Variants in EXT1 observed in about 807,000 individuals in gnomAD.
EXT1 encodes exostosin-1.
In EXT1, 20 loss-of-function variants were observed where a neutral mutation model predicts 82.5. The observed-to-expected ratio is 0.24, with a 90% CI of 0.17 to 0.35. The LOEUF (loss-of-function observed/expected upper bound fraction) is 0.35. EXT1 is among the 10% of genes least tolerant of loss of function. The pLI, the probability that EXT1 is intolerant of heterozygous loss-of-function variation, is 1.00. For synonymous variants in EXT1, 348 were observed against 350.8 expected (o/e 0.99, Z 0.09); for missense variants, 757 against 936.5 (o/e 0.81, Z 2.50).
At chr8:118,074,926 G>A (rs1408999858) in intron 1 of EXT1, among the ~76,000 whole-genome samples, 1 of 152,188 alleles carries the variant, frequency 6.6e-6, no homozygotes, top group African/African-American at 2.4e-5. Context: ...GAAGCTCAGG[G>A]AGAGGAGAGC....
At chr8:117,851,616 G>GACACACACACACACACACACACACAC (rs35686154) in intron 1 of EXT1, among the ~76,000 whole-genome samples, 2 of 148,012 alleles carry the variant, frequency 1.4e-5, no homozygotes, top group East Asian at 4.1e-4. Context: ...AATTTAGCTG[G>GACACACACACACACACACACACACAC]ACACACACAC....
At chr8:117,934,388 G>A (rs1042531384) in intron 1 of EXT1, among the ~76,000 whole-genome samples, 5 of 152,202 alleles carry the variant, frequency 3.3e-5, no homozygotes, top group African/African-American at 1.2e-4. Context: ...ATGCGCCTCT[G>A]GTAGAGAGAG....
chr8:118,040,073 C>A (rs1039514484), intron 1 of EXT1, among the ~76,000 whole-genome samples: 8 of 152,144 alleles, frequency 5.3e-5, no homozygotes, highest in Admixed American at 4.6e-4. Context: ...AGCAGAAAGG[C>A]CCAGTGTTTG....
intron 1 of EXT1, among the ~76,000 whole-genome samples, chr8:118,043,526 C>T (rs1816568918): frequency 6.6e-6 from 1 of 152,214 alleles, no homozygotes; most frequent in African/African-American, 2.4e-5. Context: ...ACACAGCCCA[C>T]ATCACATGAG....
At chr8:117,947,239 C>G (rs1814407791) in intron 1 of EXT1, among the ~76,000 whole-genome samples, 2 of 152,140 alleles carry the variant, frequency 1.3e-5, no homozygotes, top group Admixed American at 1.3e-4. Context: ...CCAACTATGG[C>G]CAAACGATTT....
chr8:117,827,105 AAG>A (rs2129762001), intron 4 of EXT1, among the ~76,000 whole-genome samples: 1 of 152,360 alleles, frequency 6.6e-6, no homozygotes, highest in South Asian at 2.1e-4. Flanking sequence ...AGCACAGCAA[AAG>A]AGAGTCACGC....
chr8:117,813,060 A>T (rs1471369796), intron 7 of EXT1, 99 bp from the exon 8 acceptor site: 1 of 899,176 alleles, frequency 1.1e-6, no homozygotes, highest in Non-Finnish European at 1.8e-6. Context: ...CACCTGCATA[A>T]AGAATGCGCT....
intron 1 of EXT1, among the ~76,000 whole-genome samples, chr8:117,965,686 T>C (rs961229443): frequency 2.0e-5 from 3 of 152,228 alleles, no homozygotes; most frequent in South Asian, 2.1e-4. Context: ...CATTGTCAGC[T>C]ATGTAACAGG....
chr8:118,068,644 A>G (rs905018531), intron 1 of EXT1, among the ~76,000 whole-genome samples: 1 of 152,120 alleles, frequency 6.6e-6, no homozygotes, highest in Non-Finnish European at 1.5e-5. Flanking sequence ...GATAAATAGA[A>G]ACCAGAAGTG....
Position 117,799,023 on chromosome 8 carries a change from C to G in EXT1, c.*689G>C, listed in dbSNP as rs1282190867. On this transcript the variant is annotated 3_prime_UTR_variant, in exon 11 of 11. Coordinates refer to ENST00000378204, the MANE Select transcript of EXT1 (RefSeq NM_000127.3). ...TCTTGGTACTAATTCCCCCCACCCC[C>G]CCAATGAAAAACGATTATCATATAT... The G allele has an allele frequency of 6.6e-6, 1 of 151,364 alleles. No homozygotes were observed. The highest frequency in any genetic ancestry group is 1.5e-5 in the Non-Finnish European group (1 of 67,946). 9.4% of individuals were successfully genotyped at this position (151,364 alleles called of 1,614,324 possible). A position where few individuals can be genotyped will look rare whatever the true frequency, so the allele number is the denominator to read the frequency against.
At chr8:117,961,450 A>T (rs1252397996) in intron 1 of EXT1, among the ~76,000 whole-genome samples, 1 of 152,246 alleles carries the variant, frequency 6.6e-6, no homozygotes, top group Non-Finnish European at 1.5e-5. Flanking sequence ...ATGCTTTGCA[A>T]TTAAGATTTA....
chr8:118,041,705 G>GGAAA (rs1554596109), intron 1 of EXT1, among the ~76,000 whole-genome samples: 7 of 150,424 alleles, frequency 4.7e-5, no homozygotes, highest in African/African-American at 1.5e-4. Context: ...AAGGAAGGAA[G>GGAAA]GAAGGAAGGA....
chr8:117,855,538 C>A (rs888402061), intron 1 of EXT1, among the ~76,000 whole-genome samples: 2 of 152,162 alleles, frequency 1.3e-5, no homozygotes, highest in African/African-American at 4.8e-5. Context: ...TGCTACCAAC[C>A]AGCCATTTCC....
chr8:117,989,150 A>G (rs1482202632), intron 1 of EXT1, among the ~76,000 whole-genome samples: 1 of 152,136 alleles, frequency 6.6e-6, no homozygotes, highest in Non-Finnish European at 1.5e-5. Context: ...AAGGTTTTAA[A>G]GAGAAGTTAA....
intron 1 of EXT1, among the ~76,000 whole-genome samples, chr8:117,894,162 G>A (rs1427717597): frequency 2.6e-5 from 4 of 151,878 alleles, no homozygotes; most frequent in African/African-American, 9.7e-5. Flanking sequence ...TCACTCTCTG[G>A]TTTTGGTTTT....
chr8:118,010,744 G>A lies in EXT1; in HGVS notation c.962+99341C>T, dbSNP rs1027833244. ...ACGGCACGGCCGCAAGAGTGTGATC[G>A]CAGGCTCTGTGGAACCTCATGAAAT... On this transcript the variant is annotated intron_variant, in intron 1 of 10. Transcript: ENST00000378204. Among the ~76,000 whole-genome samples the A allele has an allele frequency of 6.6e-5, 10 of 152,166 alleles. No individual in the cohort carries two copies. The South Asian group carries it at 1.0e-3, about 16-fold the overall frequency.
At chr8:118,013,942 T>G (rs1799368713) in intron 1 of EXT1, among the ~76,000 whole-genome samples, 1 of 152,180 alleles carries the variant, frequency 6.6e-6, no homozygotes, top group African/African-American at 2.4e-5. Context: ...TGGAGTTAAG[T>G]TGAACTGCGA....
chr8:118,039,558 A>C (rs1372922956), intron 1 of EXT1, among the ~76,000 whole-genome samples: 2 of 39,186 alleles, frequency 5.1e-5, no homozygotes, highest in African/African-American at 4.2e-4. Flanking sequence ...ACTCCGTCAC[A>C]AAAAAAAAAA....
chr8:117,948,604 G>C (rs1222968686), intron 1 of EXT1, among the ~76,000 whole-genome samples: 1 of 152,156 alleles, frequency 6.6e-6, no homozygotes, highest in African/African-American at 2.4e-5. Context: ...ATTTGTATAG[G>C]AAATCCTCAA....
Sources: gnomAD v4.1 joint callset for allele counts (sites outside exome capture counted in the v4.1 genomes callset) on GRCh38, gnomAD v4.1.1 for gene constraint, MANE v1.5 for transcripts, NCBI Gene and HGNC (gene_info 2026-07-23, HGNC 2026-07-21) for gene names.